The following TSHZ2 variants were observed in gnomAD, a reference collection of about 807,000 sequenced individuals.
The protein encoded by TSHZ2 is teashirt zinc finger homeobox 2.
Under a neutral mutation model 74.4 loss-of-function variants are expected in TSHZ2, and 21 were observed. The observed-to-expected ratio is 0.28, with a 90% CI of 0.20 to 0.41. The LOEUF (loss-of-function observed/expected upper bound fraction) is 0.41. Ranked by LOEUF, TSHZ2 falls within the 10% of genes least tolerant of loss-of-function variation. The pLI is 1.00. For missense variants in TSHZ2, 1,244 were observed against 1,293.5 expected, an observed-to-expected ratio of 0.96 and a Z score of 0.59; for synonymous variants, 540 against 515.3, an observed-to-expected ratio of 1.05 and a Z score of -0.65.
At chr20:53,142,018 C>A (rs927442643) in intron 1 of TSHZ2, among the ~76,000 whole-genome samples, 1 of 152,192 alleles carries the variant, frequency 6.6e-6, no homozygotes, top group Admixed American at 6.5e-5. Flanking sequence ...AGTTTTAAGA[C>A]CACACTCATC....
intron 2 of TSHZ2, among the ~76,000 whole-genome samples, chr20:53,357,170 G>A (rs1980877442): frequency 6.6e-6 from 1 of 152,066 alleles, no homozygotes; most frequent in African/African-American, 2.4e-5. Context: ...GCTGACTTGG[G>A]TTATAGGAGA....
At chr20:53,348,366 C>T (rs557797006) in intron 2 of TSHZ2, among the ~76,000 whole-genome samples, 3 of 152,300 alleles carry the variant, frequency 2.0e-5, no homozygotes, top group East Asian at 3.9e-4. Context: ...TCGTTACATC[C>T]TCAGTAGTGA....
At chr20:53,229,996 A>C (rs974828933) in intron 1 of TSHZ2, among the ~76,000 whole-genome samples, 1 of 143,238 alleles carries the variant, frequency 7.0e-6, no homozygotes, top group African/African-American at 2.5e-5. Context: ...AGAGGAAGGA[A>C]GACAGAAAGA....
At chr20:52,975,435 C>T (rs1332358574) in intron 1 of TSHZ2, among the ~76,000 whole-genome samples, 1 of 152,050 alleles carries the variant, frequency 6.6e-6, no homozygotes, top group Non-Finnish European at 1.5e-5. Flanking sequence ...TAACATAACA[C>T]TGTATCACAT....
At chr20:53,125,700 C>T (rs542289786) in intron 1 of TSHZ2, among the ~76,000 whole-genome samples, 1 of 151,964 alleles carries the variant, frequency 6.6e-6, no homozygotes, top group Admixed American at 6.6e-5. Flanking sequence ...AAAGATTACC[C>T]AAACACCTAA....
In TSHZ2 at chr20:53,417,320, G is replaced by A. The variant is rs569781189; in HGVS notation, c.*9-69824G>A. ...TTATTTGTTTGTTTTGTTTTGAGAA[G>A]GGGTCTCGCTCTGTCACCCAGGCTG... On this transcript the variant is annotated intron_variant, in intron 2 of 2. Transcript: ENST00000371497. Among the ~76,000 whole-genome samples the A allele has an allele frequency of 2.0e-5, 3 of 151,252 alleles. No homozygotes were observed. In the South Asian group the frequency reaches 6.3e-4, roughly 32 times the overall value.
chr20:53,469,045 T>TTATATACATATATATATATA (rs1985656128), intron 2 of TSHZ2, among the ~76,000 whole-genome samples: 1 of 49,112 alleles, frequency 2.0e-5, no homozygotes, highest in Non-Finnish European at 4.2e-5. Context: ...AATCGATATT[T>TTATATACATATATATATATA]TATATATATA....
chr20:53,018,726 C>T (rs906233344), intron 1 of TSHZ2, among the ~76,000 whole-genome samples: 2 of 152,160 alleles, frequency 1.3e-5, no homozygotes, highest in African/African-American at 4.8e-5. Context: ...TTTTCTCCAG[C>T]CCCTTTTCCT....
At chr20:53,371,516 G>C (rs1170310052) in intron 2 of TSHZ2, among the ~76,000 whole-genome samples, 7 of 152,202 alleles carry the variant, frequency 4.6e-5, no homozygotes, top group African/African-American at 1.7e-4. Context: ...CCACACACTG[G>C]GTGACACAGG....
At chr20:53,402,720 C>T (rs886531656) in intron 2 of TSHZ2, among the ~76,000 whole-genome samples, 2 of 152,156 alleles carry the variant, frequency 1.3e-5, no homozygotes, top group Non-Finnish European at 2.9e-5. Context: ...GGAGGAAACA[C>T]ATGCCAGGCA....
chr20:53,105,838 G>A (rs1225790014), intron 1 of TSHZ2, among the ~76,000 whole-genome samples: 1 of 151,892 alleles, frequency 6.6e-6, no homozygotes, highest in African/African-American at 2.4e-5. Context: ...GTAGAGCTAG[G>A]GTTTTGCCAT....
intron 2 of TSHZ2, among the ~76,000 whole-genome samples, chr20:53,476,352 A>G (rs1985992356): frequency 6.8e-6 from 1 of 147,772 alleles, no homozygotes. Context: ...AGGCTGGTTC[A>G]ATATAGGCAA....
chr20:53,404,712 A>G (rs1259096337), intron 2 of TSHZ2, among the ~76,000 whole-genome samples: 1 of 152,224 alleles, frequency 6.6e-6, no homozygotes, highest in South Asian at 2.1e-4. Flanking sequence ...TACAATTATT[A>G]GCGGAAAAGG....
intron 1 of TSHZ2, among the ~76,000 whole-genome samples, chr20:53,006,605 T>C (rs1187261583): frequency 6.6e-6 from 1 of 152,240 alleles, no homozygotes; most frequent in Non-Finnish European, 1.5e-5. Context: ...GCCAGATCTT[T>C]TGGTTTCTCA....
intron 1 of TSHZ2, among the ~76,000 whole-genome samples, chr20:53,237,483 G>T (rs1036574118): frequency 2.2e-4 from 31 of 143,646 alleles, no homozygotes; most frequent in Admixed American, 7.5e-4. Flanking sequence ...GCCCTGCTCT[G>T]TCTCTCTCTT....
intron 2 of TSHZ2, among the ~76,000 whole-genome samples, chr20:53,409,947 A>G (rs1301630657): frequency 7.1e-6 from 1 of 140,694 alleles, no homozygotes; most frequent in Non-Finnish European, 1.5e-5. Context: ...CTTGGGTTCA[A>G]GAGATTATTC....
At chr20:53,317,246 G>T (rs1979062654) in intron 2 of TSHZ2, among the ~76,000 whole-genome samples, 1 of 152,212 alleles carries the variant, frequency 6.6e-6, no homozygotes, top group Non-Finnish European at 1.5e-5. Flanking sequence ...GGCAAAATAT[G>T]CTGGGGACTT....
intron 2 of TSHZ2, among the ~76,000 whole-genome samples, chr20:53,394,645 G>A (rs373864161): frequency 1.3e-5 from 2 of 151,246 alleles, no homozygotes. Flanking sequence ...TTTAACAGTT[G>A]CCTGGGCCTT....
intron 1 of TSHZ2, among the ~76,000 whole-genome samples, chr20:53,159,969 G>A (rs2059283150): frequency 2.0e-5 from 3 of 152,300 alleles, no homozygotes; most frequent in African/African-American, 7.2e-5. Flanking sequence ...GTTGGAGGAG[G>A]CTTTCCTGAG....
Sources: allele counts gnomAD v4.1 joint callset (sites outside exome capture counted in the v4.1 genomes callset), GRCh38; gene constraint gnomAD v4.1.1; transcripts MANE v1.5; gene names NCBI Gene and HGNC (gene_info 2026-07-23, HGNC 2026-07-21).